The following CCDC30 variants were observed in gnomAD, a reference collection of about 807,000 sequenced individuals.
CCDC30 encodes coiled-coil domain containing 30, also known as coiled-coil domain-containing protein 30.
CCDC30 carries 70 observed loss-of-function variants against 100.2 expected under a neutral mutation model. The ratio of observed to expected loss-of-function variants is 0.70; its 90% CI spans 0.58 to 0.85. The LOEUF is 0.85. Among genes scored for constraint, CCDC30 ranks in the 40% least tolerant of loss-of-function variants. CCDC30 has a pLI of 0.00. For missense variants in CCDC30, 652 were observed against 771.2 expected, an observed-to-expected ratio of 0.85 and a Z score of 1.83; for synonymous variants, 233 against 269.5, an observed-to-expected ratio of 0.86 and a Z score of 1.33.
At chr1:42,483,102 C>G (rs1420616750) in intron 3 of CCDC30, 1 of 235,982 alleles carries the variant, frequency 4.2e-6, no homozygotes, top group Non-Finnish European at 8.1e-6. Flanking sequence ...CATCCTTCCT[C>G]CTCCTTCAGA....
intron 15 of CCDC30, among the ~76,000 whole-genome samples, chr1:42,651,651 G>A (rs978983685): frequency 2.0e-5 from 3 of 152,048 alleles, no homozygotes; most frequent in Admixed American, 2.0e-4. Flanking sequence ...ATTGCTTGAG[G>A]TCAGGAGTTC....
intron 12 of CCDC30, among the ~76,000 whole-genome samples, chr1:42,637,890 T>C (rs1647190456): frequency 6.6e-6 from 1 of 152,150 alleles, no homozygotes; most frequent in African/African-American, 2.4e-5. Flanking sequence ...TGCAGAATGG[T>C]TGTGGGATTA....
chr1:42,551,742 GGTGTGT>G (rs34048456), intron 6 of CCDC30, among the ~76,000 whole-genome samples: 82 of 144,590 alleles, frequency 5.7e-4, no homozygotes, highest in Admixed American at 2.4e-3. Context: ...GATAAATTCT[GGTGTGT>G]GTGTGTGTGT....
At chr1:42,646,662 G>A (rs970196666) in intron 15 of CCDC30, among the ~76,000 whole-genome samples, 1 of 152,222 alleles carries the variant, frequency 6.6e-6, no homozygotes, top group Non-Finnish European at 1.5e-5. Flanking sequence ...CTGGGCATGA[G>A]CCCCTAGACA....
At chr1:42,622,457 A>G (rs1262102650) in intron 11 of CCDC30, among the ~76,000 whole-genome samples, 1 of 152,218 alleles carries the variant, frequency 6.6e-6, no homozygotes, top group African/African-American at 2.4e-5. Context: ...TATACTCAGC[A>G]GCGGGATTGC....
intron 7 of CCDC30, chr1:42,571,467 C>T (rs1645731049): frequency 6.7e-6 from 1 of 148,742 alleles, no homozygotes. Context: ...TTATACCAAC[C>T]CTCCAAAATA....
Position 42,596,810 on chromosome 1 carries a change from CA to C in CCDC30, c.1164+7328del. 6.6e-6 allele frequency among the ~76,000 whole-genome samples: 1 copy of C among 152,080 alleles called. No homozygotes were observed. The highest frequency in any genetic ancestry group is 1.9e-4 in the East Asian group (1 of 5,180). On this transcript the variant is annotated intron_variant, in intron 10 of 16. Transcript: ENST00000668663. The surrounding 1 kb of genome is among the most constrained non-coding windows in gnomAD (Gnocchi z 4.3). ...GCATTAGAACCAGGCTCAGATACAG[CA>C]GGAATATTGAAATTATCAGACCAGA...
chr1:42,621,338 A>G (rs1442840483), intron 11 of CCDC30, among the ~76,000 whole-genome samples: 2 of 150,898 alleles, frequency 1.3e-5, no homozygotes, highest in Non-Finnish European at 3.0e-5. Flanking sequence ...TTTCTTTTTC[A>G]GGGTCTTGCT....
chr1:42,527,695 A>G (rs1224062697), intron 6 of CCDC30, among the ~76,000 whole-genome samples: 1 of 152,216 alleles, frequency 6.6e-6, no homozygotes, highest in Non-Finnish European at 1.5e-5. Flanking sequence ...TGAATCTCTT[A>G]TGCAAATCTC....
intron 6 of CCDC30, among the ~76,000 whole-genome samples, chr1:42,518,611 A>G (rs767751010): frequency 1.3e-5 from 2 of 152,230 alleles, no homozygotes; most frequent in Non-Finnish European, 2.9e-5. Flanking sequence ...CATATAGCCT[A>G]GGTGTGTAAT....
At chr1:42,490,534 A>G (rs1644121805) in intron 4 of CCDC30, among the ~76,000 whole-genome samples, 1 of 151,590 alleles carries the variant, frequency 6.6e-6, no homozygotes, top group African/African-American at 2.4e-5. Context: ...TGCTGTTGCT[A>G]CTACTGTTAT....
At chr1:42,526,813 A>G (rs1397995253) in intron 6 of CCDC30, among the ~76,000 whole-genome samples, 1 of 152,224 alleles carries the variant, frequency 6.6e-6, no homozygotes, top group African/African-American at 2.4e-5. Context: ...GCATAGTTAC[A>G]TAAGATAGTT....
rs1406281475 is a variant in CCDC30, at chr1:42,498,894, T to C, written c.434T>C (p.Val145Ala). The C allele has an allele frequency of 2.4e-6, 3 of 1,233,454 alleles. No individual in the cohort carries two copies. The Admixed American group carries it at 1.3e-4, about 52-fold the overall frequency. The allele number at this position is 1,233,454 out of a possible 1,614,324, so 76.4% of individuals were successfully genotyped here. The stretch of plus-strand genomic sequence containing the variant: ...GGAAACCACTCCCCTGGAAAAACTG[T>C]GGGTGGTGAACAGAGAGAACAGGTA... The change falls in exon 6 of 17, where the codon GTG becomes GCG. Residue 145 changes from valine (V) to alanine (A), a missense_variant. Val to Ala is a moderately conservative substitution (Grantham distance 64, BLOSUM62 0). Transcript: ENST00000668663.
Position 42,510,614 on chromosome 1 carries a change from G to A in CCDC30, c.456+11698G>A, listed in dbSNP as rs552286271. Among the ~76,000 whole-genome samples the A allele has an allele frequency of 1.1e-4, 16 of 150,182 alleles. No individual in the cohort carries two copies. The East Asian group carries it at 2.0e-3, about 18-fold the overall frequency. On this transcript the variant is annotated intron_variant, in intron 6 of 16. Transcript: ENST00000668663. ...GGAGGTTGCAGTGAGGTGAGATCGC[G>A]CCACTGCACTCCAGCCTGGGTGAGA...
At chr1:42,484,193 A>G (rs1254020401) in intron 3 of CCDC30, among the ~76,000 whole-genome samples, 2 of 152,098 alleles carry the variant, frequency 1.3e-5, no homozygotes, top group African/African-American at 4.8e-5. Context: ...GTGGACACAA[A>G]TAACTTTTCA....
intron 6 of CCDC30, among the ~76,000 whole-genome samples, chr1:42,540,471 A>T (rs1445068997): frequency 1.3e-5 from 2 of 152,174 alleles, no homozygotes; most frequent in African/African-American, 4.8e-5. Context: ...TATAAAATAA[A>T]GAGATCCAGA....
intron 3 of CCDC30, among the ~76,000 whole-genome samples, chr1:42,486,628 C>G (rs1174942656): frequency 6.6e-6 from 1 of 152,208 alleles, no homozygotes; most frequent in East Asian, 1.9e-4. Flanking sequence ...GGAGCGGACT[C>G]TTGGAAGCTT....
intron 7 of CCDC30, among the ~76,000 whole-genome samples, chr1:42,570,622 C>G (rs1168673994): frequency 6.6e-6 from 1 of 152,028 alleles, no homozygotes; most frequent in Non-Finnish European, 1.5e-5. Context: ...GGTAATAACT[C>G]TCTTGCTTTA....
intron 6 of CCDC30, among the ~76,000 whole-genome samples, chr1:42,551,313 A>T (rs942903672): frequency 1.3e-5 from 2 of 152,200 alleles, no homozygotes; most frequent in African/African-American, 4.8e-5. Flanking sequence ...AAGGAATAGG[A>T]CAGGGTTGCT....
Sources: gnomAD v4.1 joint callset for allele counts (sites outside exome capture counted in the v4.1 genomes callset) on GRCh38, gnomAD v4.1.1 for gene constraint, Gnocchi (gnomAD v3.1) non-coding constraint, MANE v1.5 for transcripts, NCBI Gene and HGNC (gene_info 2026-07-23, HGNC 2026-07-21) for gene names.